STMP1: variants seen among roughly 807,000 people sequenced by gnomAD.
STMP1 encodes short transmembrane mitochondrial protein 1.
STMP1 carries 7 observed loss-of-function variants against 7.0 expected under a neutral mutation model. The ratio of observed to expected loss-of-function variants is 1.01; its 90% CI spans 0.57 to 1.89. The LOEUF is 1.89. Among genes scored for constraint, STMP1 ranks in the 40% most tolerant of loss-of-function variants. The pLI is 0.00. For missense variants in STMP1, 45 were observed against 53.0 expected (o/e 0.85, Z 0.47); for synonymous variants, 19 against 18.4 (o/e 1.03, Z -0.08).
intron 2 of STMP1, among the ~76,000 whole-genome samples, chr7:135,673,701 G>C (rs1211040673): frequency 2.6e-5 from 4 of 152,194 alleles, no homozygotes; most frequent in Admixed American, 2.0e-4. Context: ...CACTTTGGGA[G>C]GCCGAGGTGG....
intron 1 of STMP1, among the ~76,000 whole-genome samples, chr7:135,664,705 G>T (rs1021930958): frequency 6.6e-6 from 1 of 151,872 alleles, no homozygotes; most frequent in Non-Finnish European, 1.5e-5. Context: ...GAACACTGAT[G>T]TTCTCTCACC....
At chr7:135,662,627 G>T in intron 1 of STMP1, 33 bp downstream of exon 1, 1 of 1,543,474 alleles carries the variant, frequency 6.5e-7, no homozygotes, top group East Asian at 2.5e-5. Flanking sequence ...GGGGCCCGCT[G>T]CCTGGGGCGT....
chr7:135,669,917 G>A (rs1169204556), intron 1 of STMP1, among the ~76,000 whole-genome samples: 1 of 152,200 alleles, frequency 6.6e-6, no homozygotes, highest in Non-Finnish European at 1.5e-5. Context: ...CAGAATTGTG[G>A]ATAATGGATT....
chr7:135,673,903 C>T (rs1363071574), intron 2 of STMP1, among the ~76,000 whole-genome samples, 188 bp from the exon 3 acceptor site: 2 of 152,022 alleles, frequency 1.3e-5, no homozygotes, highest in Admixed American at 6.6e-5. Context: ...GCACCATTGC[C>T]CTCCAGCCTG....
chr7:135,667,336 C>T (rs969549356), intron 1 of STMP1, among the ~76,000 whole-genome samples: 4 of 152,172 alleles, frequency 2.6e-5, no homozygotes, highest in East Asian at 3.8e-4. Context: ...CTCAGCCTCC[C>T]GAGTAGCTGG....
chr7:135,667,570 A>G (rs1176724750), intron 1 of STMP1, among the ~76,000 whole-genome samples: 2 of 152,200 alleles, frequency 1.3e-5, no homozygotes, highest in Non-Finnish European at 2.9e-5. Flanking sequence ...AATTATTTAT[A>G]TATTCTGGAT....
rs2129493398 is a variant in STMP1, at chr7:135,675,105, T to A, written c.*940T>A. On this transcript the variant is annotated 3_prime_UTR_variant, in exon 3 of 3. Coordinates refer to ENST00000507606, the MANE Select transcript of STMP1 (RefSeq NM_001130929.2). The stretch of plus-strand genomic sequence containing the variant: ...GTTTTTTCCTGCAGTCAGAAATTCC[T>A]TGTATTTGTCAAATGTATAATCAGC... The A allele has an allele frequency of 6.6e-6, 1 of 152,300 alleles. No homozygotes were observed. The highest frequency in any genetic ancestry group is 2.1e-4 in the South Asian group (1 of 4,822). 9.4% of individuals were successfully genotyped at this position (152,300 alleles called of 1,614,324 possible).
rs1424432468 is a variant in STMP1 at position 135,675,379 on chromosome 7, C to A, written c.*1214C>A. ...CCTCGCCTTTTTTTTTTCTTTTTTT[C>A]TTTTTTAATGGAGATCATTCTATAC... On this transcript the variant is annotated 3_prime_UTR_variant, in exon 3 of 3. Transcript: ENST00000507606. The A allele has an allele frequency of 6.7e-6, 1 of 148,260 alleles. No homozygotes were observed. Among genetic ancestry groups the A allele is most frequent in the Non-Finnish European group, 1.5e-5 (1 of 66,948 alleles). The allele number at this position is 148,260 out of a possible 1,614,324, so 9.2% of individuals were successfully genotyped here. A position where few individuals can be genotyped will look rare whatever the true frequency, so the allele number is the denominator to read the frequency against.
In STMP1 at chr7:135,675,037, C is replaced by CA. The variant is rs1795396376; in HGVS notation, c.*873dup. 6.6e-6 allele frequency: 1 copy of CA among 152,176 alleles called. No homozygotes were observed. Among genetic ancestry groups the CA allele is most frequent in the East Asian group, 1.9e-4 (1 of 5,200 alleles). The allele number at this position is 152,176 out of a possible 1,614,324, so 9.4% of individuals were successfully genotyped here. On this transcript the variant is annotated 3_prime_UTR_variant, in exon 3 of 3. Transcript: ENST00000507606. The stretch of plus-strand genomic sequence containing the variant: ...TAGCCCAAATGTATAGTAAAATCAG[C>CA]AGCTCAAGAAGAATTTCTGCTTCTC...
Position 135,672,807 on chromosome 7 carries a change from G to C in STMP1, c.69+1G>C. The C allele has an allele frequency of 6.4e-7, 1 of 1,550,976 alleles. No homozygotes were observed. The highest frequency in any genetic ancestry group is 2.4e-5 in the East Asian group (1 of 40,916). The stretch of plus-strand genomic sequence containing the variant: ...AATGTATCTGGCTCAGAACTATGAT[G>C]TAAGTGGCCATATCCATGACTTCCT... On this transcript the variant is annotated splice_donor_variant, in intron 2 of 2. Coordinates refer to ENST00000507606, the MANE Select transcript of STMP1 (RefSeq NM_001130929.2). LOFTEE classifies it high-confidence loss of function.
intron 1 of STMP1, 137 bp downstream of exon 1, chr7:135,662,731 G>A: frequency 2.0e-6 from 2 of 1,020,638 alleles, no homozygotes; most frequent in South Asian, 1.7e-5. Context: ...GCGCCTGGTC[G>A]TCGCCTCGCA....
Position 135,662,537 on chromosome 7 carries a change from T to G in STMP1, c.-43T>G, listed in dbSNP as rs765384057. 6.5e-7 allele frequency: 1 copy of G among 1,540,552 alleles called. No individual in the cohort carries two copies. Among genetic ancestry groups the G allele is most frequent in the Non-Finnish European group, 8.8e-7 (1 of 1,142,782 alleles). On this transcript the variant is annotated 5_prime_UTR_variant, in exon 1 of 3. Transcript: ENST00000507606. ...GTAGGCTCGGACCGGCCCGCGGAGCTGCTGCAGTCCTTCGCGCCCTCCTCG... is the reference window on the plus strand; with the variant it reads ...GTAGGCTCGGACCGGCCCGCGGAGCGGCTGCAGTCCTTCGCGCCCTCCTCG...
At chr7:135,663,517 G>A (rs531124070) in intron 1 of STMP1, among the ~76,000 whole-genome samples, 1 of 151,976 alleles carries the variant, frequency 6.6e-6, no homozygotes, top group Non-Finnish European at 1.5e-5. Context: ...GCTAATTTTT[G>A]TATTTTTAGT....
chr7:135,674,312 AG>A lies in STMP1; in HGVS notation c.*148del. ...ACCCTGTGTTTTTTGCTTTAAAGCA[AG>A]CAAAATGGGGCCCCAATTTGAGAAC... On this transcript the variant is annotated 3_prime_UTR_variant, in exon 3 of 3. Transcript: ENST00000507606. 1.6e-6 allele frequency: 1 copy of A among 620,250 alleles called. No homozygotes were observed. The highest frequency in any genetic ancestry group is 2.7e-6 in the Non-Finnish European group (1 of 364,464). 38.4% of individuals were successfully genotyped at this position (620,250 alleles called of 1,614,324 possible).
At position 135,674,083 on chromosome 7, in the gene STMP1, C is replaced by A; in HGVS notation, c.70-8C>A. ...GCAAAATTATAATAACCTTTTTTCT[C>A]TTCAAAGATACCAAACCTGGCTAAA... is the stretch of plus-strand genomic sequence containing the variant. On this transcript the variant is annotated splice_region_variant and splice_polypyrimidine_tract_variant and intron_variant, in intron 2 of 2. Coordinates refer to ENST00000507606, the MANE Select transcript of STMP1 (RefSeq NM_001130929.2). 2 of 1,537,132 alleles carry A rather than the reference C, an allele frequency of 1.3e-6. No individual in the cohort carries two copies. The highest frequency in any genetic ancestry group is 1.8e-6 in the Non-Finnish European group (2 of 1,139,210).
chr7:135,671,646 T>A (rs891736600), intron 1 of STMP1, among the ~76,000 whole-genome samples: 1 of 152,180 alleles, frequency 6.6e-6, no homozygotes, highest in Non-Finnish European at 1.5e-5. Context: ...CCAAATGAGA[T>A]AAATATTTAA....
At chr7:135,663,792 C>T (rs1436756751) in intron 1 of STMP1, among the ~76,000 whole-genome samples, 3 of 152,184 alleles carry the variant, frequency 2.0e-5, no homozygotes, top group East Asian at 1.9e-4. Context: ...GTAGCTGGTG[C>T]GCGCCAGCAG....
At chr7:135,662,720 C>A (rs1795247620) in intron 1 of STMP1, 126 bp downstream of exon 1, 2 of 1,115,566 alleles carry the variant, frequency 1.8e-6, no homozygotes, top group South Asian at 3.3e-5. Flanking sequence ...CTTCGTCCCC[C>A]GCGCCTGGTC....
intron 2 of STMP1, 127 bp from the exon 3 acceptor site, chr7:135,673,964 A>G (rs1306402858): frequency 1.5e-6 from 1 of 657,090 alleles, no homozygotes; most frequent in African/African-American, 1.8e-5. Context: ...AGAAATAACC[A>G]CTATTTAGCA....
Sources: gnomAD v4.1 joint callset for allele counts (sites outside exome capture counted in the v4.1 genomes callset) on GRCh38, gnomAD v4.1.1 for gene constraint, MANE v1.5 for transcripts, NCBI Gene and HGNC (gene_info 2026-07-23, HGNC 2026-07-21) for gene names.